MYO18B: variants seen among roughly 807,000 people sequenced by gnomAD.
The protein encoded by MYO18B is unconventional myosin-XVIIIb.
A neutral mutation model predicts 273.0 loss-of-function variants in MYO18B; 204 were observed. That is an observed-to-expected ratio of 0.75 (90% CI 0.67 to 0.84). The LOEUF is 0.84. MYO18B is among the 40% of genes least tolerant of loss of function. The probability of loss-of-function intolerance (pLI) is 0.00; values close to 1 mark genes in which losing one functional copy is unlikely to be tolerated. For missense variants in MYO18B, 3,212 were observed against 3,287.6 expected (o/e 0.98, Z 0.56); for synonymous variants, 1,330 against 1,305.7 (o/e 1.02, Z -0.40).
At chr22:25,985,705 A>G (rs932548550) in intron 39 of MYO18B, among the ~76,000 whole-genome samples, 2 of 151,488 alleles carry the variant, frequency 1.3e-5, no homozygotes, top group Admixed American at 1.3e-4. Context: ...TCTCGGCTCA[A>G]TGCACCCTCC....
In MYO18B at chr22:26,026,661, T is replaced by A. The variant is rs371369038; in HGVS notation, c.6687T>A (p.Ala2229=). ...ERLEPASSPL[A]SRSTNTSPLS... is the part of the protein sequence containing the mutation. ...TAGAACCTGCTTCCTCTCCCCTGGC[T>A]TCTCGGAGTACAAATACATCCCCGC... The change falls in exon 43 of 44, where the codon GCT becomes GCA. Residue 2229 remains alanine (A), a synonymous_variant. Coordinates refer to ENST00000335473, the MANE Select transcript of MYO18B (RefSeq NM_032608.7). 54 of 1,613,618 alleles carry A rather than the reference T, an allele frequency of 3.3e-5. No individual in the cohort carries two copies. Among genetic ancestry groups the A allele is most frequent in the Non-Finnish European group, 4.3e-5 (51 of 1,179,846 alleles).
intron 43 of MYO18B, among the ~76,000 whole-genome samples, chr22:26,029,866 A>G (rs1007901003): frequency 6.6e-6 from 1 of 152,178 alleles, no homozygotes; most frequent in Admixed American, 6.5e-5. Flanking sequence ...TGAGAATATG[A>G]GAGATTCCTG....
chr22:25,899,899 G>A (rs1221000204), intron 29 of MYO18B: 1 of 152,164 alleles, frequency 6.6e-6, no homozygotes, highest in Non-Finnish European at 1.5e-5. Context: ...GAAACAAGAG[G>A]TTGGGACTCC....
Position 26,004,794 on chromosome 22 carries a change from A to G in MYO18B, c.6409A>G (p.Thr2137Ala). 1 of 1,613,970 alleles carries G rather than the reference A, an allele frequency of 6.2e-7. No individual in the cohort carries two copies. The highest frequency in any genetic ancestry group is 8.5e-7 in the Non-Finnish European group (1 of 1,179,840). The change falls in exon 42 of 44, where the codon ACA (threonine) becomes GCA (alanine). Residue 2137 changes from threonine (T) to alanine (A), a missense_variant. Thr to Ala is a moderately conservative substitution (Grantham distance 58). Coordinates refer to ENST00000335473, the MANE Select transcript of MYO18B (RefSeq NM_032608.7). ...GTTGAGCTGTACTCTGTCCCTGGCCACAGATACTATGAGGACTCCTTCTCG... is the reference window on the plus strand; with the variant it reads ...GTTGAGCTGTACTCTGTCCCTGGCCGCAGATACTATGAGGACTCCTTCTCG... ...SWLSCTLSLA[T>A]DTMRTPSRQS...
chr22:25,896,086 C>T (rs1271004324), intron 28 of MYO18B, among the ~76,000 whole-genome samples: 2 of 151,996 alleles, frequency 1.3e-5, no homozygotes, highest in Admixed American at 6.6e-5. Context: ...TAGAAGAAAC[C>T]CTTTTTCACT....
intron 6 of MYO18B, 32 bp downstream of exon 6, chr22:25,771,016 G>T (rs373605466): frequency 3.4e-6 from 5 of 1,462,876 alleles, no homozygotes; most frequent in Non-Finnish European, 4.7e-6. Context: ...CCCCCAGCAT[G>T]AGTCCCCTGT....
intron 43 of MYO18B, among the ~76,000 whole-genome samples, chr22:26,028,866 C>T (rs373440020): frequency 0.014 from 1,890 of 133,022 alleles, 38 homozygotes; most frequent in African/African-American, 0.054. Context: ...CCAGCCTGGG[C>T]GACAGAGCGA....
intron 42 of MYO18B, chr22:26,006,388 T>A (rs1291690101): frequency 3.1e-5 from 7 of 223,954 alleles, no homozygotes; most frequent in Non-Finnish European, 6.9e-5. Context: ...AGTAGGCACT[T>A]TTTACATTGT....
intron 17 of MYO18B, among the ~76,000 whole-genome samples, chr22:25,839,527 CTG>C (rs1365832398): frequency 6.6e-6 from 1 of 152,150 alleles, no homozygotes; most frequent in African/African-American, 2.4e-5. Flanking sequence ...GGAGCCAGGC[CTG>C]TGGGCTTTAC....
At chr22:25,867,790 C>T (rs114043990) in intron 21 of MYO18B, among the ~76,000 whole-genome samples, 14,544 of 152,050 alleles carry the variant, frequency 0.096, 832 homozygotes, top group East Asian at 0.26. Flanking sequence ...CCACCATGCC[C>T]GACTATAATT....
At chr22:25,991,495 A>G (rs755348663) in intron 39 of MYO18B, among the ~76,000 whole-genome samples, 36 of 152,210 alleles carry the variant, frequency 2.4e-4, no homozygotes, top group Non-Finnish European at 4.9e-4. Flanking sequence ...CTCTTAGGTA[A>G]CAATCATTAT....
At chr22:25,857,462 A>G (rs1405695669) in intron 21 of MYO18B, among the ~76,000 whole-genome samples, 3 of 144,916 alleles carry the variant, frequency 2.1e-5, no homozygotes, top group Admixed American at 6.9e-5. Context: ...AGACACTCCC[A>G]GTTTCCTGTG....
intron 12 of MYO18B, among the ~76,000 whole-genome samples, chr22:25,813,725 G>A (rs533850213): frequency 8.5e-5 from 13 of 152,312 alleles, no homozygotes; most frequent in Non-Finnish European, 1.6e-4. Context: ...AAGGGCCCCT[G>A]CACTGGTGCT....
At chr22:25,834,462 C>G (rs1202682501) in intron 16 of MYO18B, among the ~76,000 whole-genome samples, 1 of 152,178 alleles carries the variant, frequency 6.6e-6, no homozygotes, top group Non-Finnish European at 1.5e-5. Flanking sequence ...TGCCCCTTCC[C>G]CTCTCCAGGC....
chr22:25,946,488 GCATCC>G lies in MYO18B; in HGVS notation c.5631+239_5631+243del, dbSNP rs1304449931. ...GGTGCTCAGCGTTCTGAATGTGCAGGCATCCTACTGTCAGCTGAGCATTATAAAGA... is the reference window on the plus strand; with the variant it reads ...GGTGCTCAGCGTTCTGAATGTGCAGGTACTGTCAGCTGAGCATTATAAAGA... On this transcript the variant is annotated intron_variant, in intron 35 of 43. Transcript: ENST00000335473. Among the ~76,000 whole-genome samples the G allele has an allele frequency of 2.4e-3, 371 of 152,200 alleles. 2 individuals carry two copies. Among genetic ancestry groups the G allele is most frequent in the African/African-American group, 8.6e-3 (357 of 41,540 alleles).
At chr22:26,050,221 G>A in the MYO18B span, among the ~76,000 whole-genome samples, 1 of 152,304 alleles carries the variant, frequency 6.6e-6, no homozygotes, top group African/African-American at 2.4e-5. Context: ...GGAAAAGGAA[G>A]CCATTTATCT....
chr22:25,851,349 G>A, intron 20 of MYO18B, 121 bp from the exon 21 acceptor site: 1 of 668,874 alleles, frequency 1.5e-6, no homozygotes, highest in Admixed American at 2.4e-5. Context: ...AGTCCATGCA[G>A]CAAGTTAGTA....
At chr22:25,777,320 C>T (rs1283904637) in intron 7 of MYO18B, among the ~76,000 whole-genome samples, 1 of 152,188 alleles carries the variant, frequency 6.6e-6, no homozygotes, top group Non-Finnish European at 1.5e-5. Flanking sequence ...GAATGCAGCT[C>T]TCATTCAAGC....
Position 25,908,424 on chromosome 22 carries a change from C to G in MYO18B, c.5251C>G (p.Gln1751Glu), listed in dbSNP as rs780537253. Reference protein sequence around the residue: ...EELEDVRQSCQKRLHQLEMQL... With the variant: ...EELEDVRQSCEKRLHQLEMQL... ...ACTGGAGGATGTCCGTCAGTCCTGC[C>G]AGAAGCGGGTACGTGAGCAGTGAAC... Residue 1751 changes from glutamine to glutamate, a missense_variant, in exon 32 of 44, where the codon CAG becomes GAG. By Grantham distance (29) the Gln-to-Glu change is conservative. Transcript: ENST00000335473. 6.3e-7 allele frequency: 1 copy of G among 1,587,080 alleles called. No individual in the cohort carries two copies. The highest frequency in any genetic ancestry group is 1.2e-5 in the South Asian group (1 of 86,402).
Sources: allele counts gnomAD v4.1 joint callset (sites outside exome capture counted in the v4.1 genomes callset), GRCh38; gene constraint gnomAD v4.1.1; transcripts MANE v1.5; gene names NCBI Gene and HGNC (gene_info 2026-07-23, HGNC 2026-07-21).